CEP83: variants seen among roughly 807,000 people sequenced by gnomAD.
CEP83 encodes the protein centrosomal protein of 83 kDa.
Under a neutral mutation model 101.9 loss-of-function variants are expected in CEP83, and 70 were observed. The observed-to-expected ratio is 0.69, with a 90% CI of 0.57 to 0.84. The LOEUF (loss-of-function observed/expected upper bound fraction) is 0.84, where lower values mean the gene tolerates loss of function less well. Ranked by LOEUF, CEP83 falls within the 40% of genes least tolerant of loss-of-function variation. The pLI is 0.00. For synonymous variants in CEP83, 264 were observed against 267.9 expected (o/e 0.99, Z 0.14); for missense variants, 715 against 787.2 (o/e 0.91, Z 1.10).
chr12:94,395,009 T>G (rs56178377), intron 6 of CEP83, among the ~76,000 whole-genome samples: 13,453 of 152,142 alleles, frequency 0.088, 829 homozygotes, highest in African/African-American at 0.17. Context: ...TAGGAATGCT[T>G]TACACTGTTG....
intron 1 of CEP83, 58 bp downstream of exon 1, chr12:94,459,499 A>G (rs946538777): frequency 1.3e-5 from 2 of 152,286 alleles, no homozygotes. Flanking sequence ...GTGGAGGGAC[A>G]AAATGAGTAT....
chr12:94,391,170 A>C (rs1269314042), intron 6 of CEP83, among the ~76,000 whole-genome samples: 1 of 152,160 alleles, frequency 6.6e-6, no homozygotes, highest in Non-Finnish European at 1.5e-5. Context: ...CAAGACACAT[A>C]ATTTTCAGAT....
intron 14 of CEP83, among the ~76,000 whole-genome samples, chr12:94,317,674 C>G (rs1970930552): frequency 6.6e-6 from 1 of 152,062 alleles, no homozygotes; most frequent in African/African-American, 2.4e-5. Context: ...ATGGGGTGTC[C>G]TTTTTCCCAT....
At chr12:94,310,715 T>G (rs1288598845) in intron 15 of CEP83, among the ~76,000 whole-genome samples, 1 of 152,220 alleles carries the variant, frequency 6.6e-6, no homozygotes, top group East Asian at 1.9e-4. Context: ...AAGGGTCAAG[T>G]GTAAAGAAAA....
intron 7 of CEP83, among the ~76,000 whole-genome samples, chr12:94,377,309 G>C (rs894331454): frequency 4.6e-5 from 7 of 152,156 alleles, no homozygotes; most frequent in African/African-American, 1.7e-4. Flanking sequence ...CCACATGACT[G>C]ACTGGGAACT....
the CEP83 span, among the ~76,000 whole-genome samples, chr12:94,273,787 T>C: frequency 6.6e-6 from 1 of 152,144 alleles, no homozygotes. Flanking sequence ...CAAAATGAGC[T>C]CTGGCAGTTT....
At chr12:94,303,907 A>G, downstream of CEP83, 1 of 1,609,370 alleles carries the variant, frequency 6.2e-7, no homozygotes, top group Non-Finnish European at 8.5e-7. Context: ...GTATCATTAG[A>G]AAGCAGAAAT....
chr12:94,336,674 C>A (rs564082828), intron 11 of CEP83, among the ~76,000 whole-genome samples: 1 of 152,136 alleles, frequency 6.6e-6, no homozygotes, highest in Admixed American at 6.5e-5. Context: ...ATGCCAGAAA[C>A]GATAAATCTA....
chr12:94,451,410 A>G (rs2067239878), intron 1 of CEP83, among the ~76,000 whole-genome samples: 1 of 151,892 alleles, frequency 6.6e-6, no homozygotes, highest in African/African-American at 2.4e-5. Flanking sequence ...TCTGATATTA[A>G]AAACAATACA....
At position 94,330,276 on chromosome 12, in the gene CEP83, G is replaced by GCA. The variant is rs143826389; in HGVS notation, c.1707+1422_1707+1423dup. On this transcript the variant is annotated intron_variant, in intron 14 of 16. Transcript: ENST00000397809. ...ATTTGTGGGACTTTACATATAACACGCACACACACACACACACACTTTATC... is the reference window on the plus strand; with the variant it reads ...ATTTGTGGGACTTTACATATAACACGCACACACACACACACACACACTTTATC... 9.2e-3 allele frequency among the ~76,000 whole-genome samples: 1,367 copies of GCA among 149,386 alleles called. 21 individuals carry two copies. The highest frequency in any genetic ancestry group is 0.028 in the African/African-American group (1,140 of 40,844).
At chr12:94,414,725 T>G (rs1175370329) in intron 2 of CEP83, among the ~76,000 whole-genome samples, 1 of 152,216 alleles carries the variant, frequency 6.6e-6, no homozygotes, top group Non-Finnish European at 1.5e-5. Flanking sequence ...AGATTTACTC[T>G]TGACTTCTAA....
At chr12:94,393,752 A>G (rs1262629253) in intron 6 of CEP83, among the ~76,000 whole-genome samples, 1 of 152,226 alleles carries the variant, frequency 6.6e-6, no homozygotes, top group Non-Finnish European at 1.5e-5. Flanking sequence ...AATCTCCTTA[A>G]GCTGATAAGC....
At chr12:94,336,792 C>T (rs1260437875) in intron 11 of CEP83, among the ~76,000 whole-genome samples, 1 of 151,956 alleles carries the variant, frequency 6.6e-6, no homozygotes, top group African/African-American at 2.4e-5. Context: ...GCACTTCCTC[C>T]ATTAAATGTT....
chr12:94,376,690 TACACACACACAC>T (rs533315599), intron 7 of CEP83, among the ~76,000 whole-genome samples: 134 of 117,394 alleles, frequency 1.1e-3, no homozygotes, highest in South Asian at 4.5e-3. Flanking sequence ...TATACATATA[TACACACACACAC>T]ACACACACAC....
intron 11 of CEP83, among the ~76,000 whole-genome samples, chr12:94,360,054 C>G (rs918130972): frequency 6.6e-6 from 1 of 152,034 alleles, no homozygotes; most frequent in Non-Finnish European, 1.5e-5. Context: ...GCAGAAAAAG[C>G]GTCTGACAAA....
intron 6 of CEP83, among the ~76,000 whole-genome samples, chr12:94,380,457 T>A (rs564076379): frequency 6.6e-6 from 1 of 152,282 alleles, no homozygotes; most frequent in South Asian, 2.1e-4. Context: ...TAATTAGTAT[T>A]TCTCTCCTAT....
At chr12:94,405,063 A>G (rs1267707921) in intron 4 of CEP83, among the ~76,000 whole-genome samples, 1 of 152,246 alleles carries the variant, frequency 6.6e-6, no homozygotes, top group Non-Finnish European at 1.5e-5. Context: ...GAAACCAGAC[A>G]GAAAGCTCAT....
At chr12:94,326,850 G>A (rs1183752122) in intron 14 of CEP83, among the ~76,000 whole-genome samples, 1 of 152,208 alleles carries the variant, frequency 6.6e-6, no homozygotes, top group African/African-American at 2.4e-5. Context: ...CTCCTCCAGA[G>A]CCTTTTGAAG....
At chr12:94,297,908 C>T in the CEP83 span, among the ~76,000 whole-genome samples, 2 of 152,140 alleles carry the variant, frequency 1.3e-5, no homozygotes, top group Admixed American at 1.3e-4. Flanking sequence ...CGGTGGAATA[C>T]CAAACCGAGA....
Sources: allele counts gnomAD v4.1 joint callset (sites outside exome capture counted in the v4.1 genomes callset), GRCh38; gene constraint gnomAD v4.1.1; transcripts MANE v1.5; gene names NCBI Gene and HGNC (gene_info 2026-07-23, HGNC 2026-07-21).